Variants in COL26A1 observed in about 807,000 individuals in gnomAD.
COL26A1 encodes the protein collagen alpha-1(XXVI) chain.
A neutral mutation model predicts 59.3 loss-of-function variants in COL26A1; 41 were observed. The observed-to-expected ratio is 0.69, with a 90% CI of 0.54 to 0.90. The LOEUF (loss-of-function observed/expected upper bound fraction) is 0.90, where lower values mean the gene tolerates loss of function less well. Ranked by LOEUF, COL26A1 falls within the 40% of genes least tolerant of loss-of-function variation. The probability of loss-of-function intolerance (pLI) is 0.00; values close to 1 mark genes in which losing one functional copy is unlikely to be tolerated. For synonymous variants in COL26A1, 266 were observed against 256.0 expected (o/e 1.04, Z -0.37); for missense variants, 612 against 602.3 (o/e 1.02, Z -0.17).
chr7:101,365,138 C>T (rs1338897784), intron 1 of COL26A1, among the ~76,000 whole-genome samples: 3 of 152,212 alleles, frequency 2.0e-5, no homozygotes, highest in African/African-American at 4.8e-5. Context: ...AAATACTTAC[C>T]CGGGGCTTCT....
chr7:101,456,802 C>G (rs796583762), intron 3 of COL26A1, among the ~76,000 whole-genome samples: 4 of 152,218 alleles, frequency 2.6e-5, no homozygotes, highest in African/African-American at 9.6e-5. Context: ...AGGTGTAAGC[C>G]ACTGTGCCAG....
chr7:101,466,700 A>G (rs1351386204), intron 3 of COL26A1, among the ~76,000 whole-genome samples: 1 of 152,094 alleles, frequency 6.6e-6, no homozygotes, highest in East Asian at 1.9e-4. Context: ...CAAAAAATAT[A>G]TAAATAAATA....
At chr7:101,515,283 A>ATT (rs1263051155) in intron 3 of COL26A1, among the ~76,000 whole-genome samples, 4 of 148,190 alleles carry the variant, frequency 2.7e-5, no homozygotes, top group Admixed American at 6.8e-5. Flanking sequence ...TACTATAAAT[A>ATT]TTTATTTTTT....
intron 11 of COL26A1, among the ~76,000 whole-genome samples, chr7:101,554,099 C>A (rs1795917372): frequency 6.6e-6 from 1 of 152,014 alleles, no homozygotes; most frequent in African/African-American, 2.4e-5. Context: ...AGTTCACAGC[C>A]CAGTGAGGGA....
rs543836233 is a variant in COL26A1 at position 101,555,782 on chromosome 7, G to T, written c.1081-5G>T. On this transcript the variant is annotated splice_polypyrimidine_tract_variant and splice_region_variant and intron_variant, in intron 11 of 12. Transcript: ENST00000313669. Reference sequence around the variant, plus strand: ...CCCTGACCCTGCCTGTTTCCTCCCCGCCAGGGCGAGGGGGTGCAGCAGCTG... The same window carrying T: ...CCCTGACCCTGCCTGTTTCCTCCCCTCCAGGGCGAGGGGGTGCAGCAGCTG... 1.2e-6 allele frequency: 2 copies of T among 1,605,834 alleles called. No individual in the cohort carries two copies. Among genetic ancestry groups the T allele is most frequent in the Non-Finnish European group, 1.7e-6 (2 of 1,177,086 alleles).
At chr7:101,395,409 G>T (rs1807066372) in intron 1 of COL26A1, among the ~76,000 whole-genome samples, 1 of 152,158 alleles carries the variant, frequency 6.6e-6, no homozygotes, top group Non-Finnish European at 1.5e-5. Context: ...CTTGTGATGG[G>T]TTTAATTTTC....
intron 2 of COL26A1, among the ~76,000 whole-genome samples, chr7:101,426,457 G>A (rs1317309100): frequency 1.3e-5 from 2 of 152,154 alleles, no homozygotes; most frequent in Non-Finnish European, 1.5e-5. Flanking sequence ...TGTCCACCAT[G>A]ACCTTCCTCA....
intron 8 of COL26A1, among the ~76,000 whole-genome samples, chr7:101,547,954 G>A (rs909773279): frequency 2.0e-5 from 3 of 152,138 alleles, no homozygotes; most frequent in African/African-American, 7.2e-5. Context: ...AAACATCATC[G>A]AGAAACTCTC....
chr7:101,395,278 G>T lies in COL26A1; in HGVS notation c.159-24699G>T, dbSNP rs1791830144. Among the ~76,000 whole-genome samples the T allele has an allele frequency of 2.0e-5, 3 of 152,200 alleles. No homozygotes were observed. The South Asian group carries it at 6.2e-4, about 31-fold the overall frequency. Reference sequence around the variant, plus strand: ...TTATCCTGAGGAATTCTAACCGAAAGCCTGGAGAACCCACCACAGACTGAT... The same window carrying T: ...TTATCCTGAGGAATTCTAACCGAAATCCTGGAGAACCCACCACAGACTGAT... On this transcript the variant is annotated intron_variant, in intron 1 of 12. Transcript: ENST00000313669.
At chr7:101,491,901 A>AT (rs1794469330) in intron 3 of COL26A1, among the ~76,000 whole-genome samples, 1 of 152,158 alleles carries the variant, frequency 6.6e-6, no homozygotes, top group Admixed American at 6.6e-5. Flanking sequence ...CCTAGCTCCT[A>AT]TTTAAGATGG....
intron 3 of COL26A1, among the ~76,000 whole-genome samples, chr7:101,477,747 C>G (rs1794080519): frequency 6.6e-6 from 1 of 152,096 alleles, no homozygotes; most frequent in African/African-American, 2.4e-5. Flanking sequence ...AGACTTTGAA[C>G]CTATCTTGTT....
intron 3 of COL26A1, among the ~76,000 whole-genome samples, chr7:101,520,662 A>ACACACACACACACACACACACACCC (rs915256077): frequency 4.6e-4 from 66 of 143,346 alleles, no homozygotes; most frequent in African/African-American, 1.6e-3. Context: ...ACACACACAC[A>ACACACACACACACACACACACACCC]CCCCCGTGTT....
intron 1 of COL26A1, among the ~76,000 whole-genome samples, chr7:101,407,550 G>A (rs181921232): frequency 2.7e-4 from 41 of 151,674 alleles, no homozygotes; most frequent in African/African-American, 8.5e-4. Flanking sequence ...ATCTCCTCCC[G>A]GGGCTCTGGG....
chr7:101,365,800 T>C (rs56402957), intron 1 of COL26A1, among the ~76,000 whole-genome samples: 7,578 of 137,390 alleles, frequency 0.055, 206 homozygotes, highest in Non-Finnish European at 0.067. Flanking sequence ...AATACTTTTG[T>C]AATTAAAAGG....
intron 4 of COL26A1, among the ~76,000 whole-genome samples, chr7:101,536,228 C>G (rs1290499850): frequency 1.3e-5 from 2 of 152,240 alleles, no homozygotes; most frequent in Non-Finnish European, 2.9e-5. Context: ...GTTGGCCAGG[C>G]TGGTCTCAAA....
Position 101,555,765 on chromosome 7 carries a change from C to T in COL26A1, c.1081-22C>T, listed in dbSNP as rs768454430. 10 of 1,594,876 alleles carry T rather than the reference C, an allele frequency of 6.3e-6. No individual in the cohort carries two copies. In the African/African-American group the frequency reaches 1.2e-4, roughly 19 times the overall value. ...CCCTTCCTCATGGCCGGCCCTGACC[C>T]TGCCTGTTTCCTCCCCGCCAGGGCG... On this transcript the variant is annotated intron_variant, in intron 11 of 12. Coordinates refer to ENST00000313669, the MANE Select transcript of COL26A1 (RefSeq NM_001278563.3).
chr7:101,463,550 T>TCCCC, intron 3 of COL26A1, among the ~76,000 whole-genome samples: 1 of 23,366 alleles, frequency 4.3e-5, no homozygotes, highest in African/African-American at 3.2e-4. Flanking sequence ...TTCCCTCCCC[T>TCCCC]TTTCTTTTTC....
intron 3 of COL26A1, among the ~76,000 whole-genome samples, chr7:101,527,621 A>T (rs1026803780): frequency 2.0e-5 from 3 of 152,134 alleles, no homozygotes; most frequent in Admixed American, 6.5e-5. Flanking sequence ...GGCGTGAGCC[A>T]CCACGCCAGC....
chr7:101,392,831 T>A (rs115125658), intron 1 of COL26A1, among the ~76,000 whole-genome samples: 1,955 of 152,172 alleles, frequency 0.013, 38 homozygotes, highest in African/African-American at 0.044. Flanking sequence ...TGGTCACCTA[T>A]CAGCTGTGTG....
Sources: gnomAD v4.1 joint callset for allele counts (sites outside exome capture counted in the v4.1 genomes callset) on GRCh38, gnomAD v4.1.1 for gene constraint, MANE v1.5 for transcripts, NCBI Gene and HGNC (gene_info 2026-07-23, HGNC 2026-07-21) for gene names.